The following ARHGEF3 variants were observed in gnomAD, a reference collection of about 807,000 sequenced individuals.
ARHGEF3 encodes Rho guanine nucleotide exchange factor 3.
A neutral mutation model predicts 63.2 loss-of-function variants in ARHGEF3; 28 were observed. That is an observed-to-expected ratio of 0.44 (90% CI 0.33 to 0.61). The LOEUF is 0.61. Among genes scored for constraint, ARHGEF3 ranks in the 20% least tolerant of loss-of-function variants. The pLI is 0.03. For missense variants in ARHGEF3, 533 were observed against 659.3 expected, an observed-to-expected ratio of 0.81 and a Z score of 2.10; for synonymous variants, 266 against 254.2, an observed-to-expected ratio of 1.05 and a Z score of -0.44.
At chr3:56,838,083 A>G (rs1415014690) in intron 4 of ARHGEF3, among the ~76,000 whole-genome samples, 1 of 152,228 alleles carries the variant, frequency 6.6e-6, no homozygotes, top group Non-Finnish European at 1.5e-5. Flanking sequence ...AATAAAAACA[A>G]TGTAAATATC....
chr3:57,050,689 C>G (rs1704634415), intron 1 of ARHGEF3, among the ~76,000 whole-genome samples: 1 of 152,178 alleles, frequency 6.6e-6, no homozygotes, highest in Non-Finnish European at 1.5e-5. Context: ...GATGTAAGCC[C>G]CAGGGCCATG....
chr3:56,948,455 C>T (rs375169552), intron 3 of ARHGEF3, among the ~76,000 whole-genome samples: 12 of 152,182 alleles, frequency 7.9e-5, no homozygotes, highest in East Asian at 1.9e-4. Flanking sequence ...ATATCACCAC[C>T]GATCCCACAG....
chr3:56,931,430 G>C (rs1004284326), intron 3 of ARHGEF3, among the ~76,000 whole-genome samples: 11 of 151,870 alleles, frequency 7.2e-5, no homozygotes, highest in African/African-American at 2.7e-4. Context: ...ACAAAGATTA[G>C]CCAGGCATGG....
At chr3:56,973,055 C>T (rs1179170129) in intron 2 of ARHGEF3, among the ~76,000 whole-genome samples, 10 of 150,046 alleles carry the variant, frequency 6.7e-5, no homozygotes, top group African/African-American at 2.5e-4. Flanking sequence ...CTCGCTCTGT[C>T]GCCCAGGCTG....
At chr3:56,971,629 A>T (rs1029196593) in intron 2 of ARHGEF3, among the ~76,000 whole-genome samples, 23 of 151,510 alleles carry the variant, frequency 1.5e-4, no homozygotes, top group African/African-American at 5.6e-4. Flanking sequence ...AGGTGGGTGG[A>T]TCATGAGGTC....
chr3:56,801,010 G>A (rs1252254355), intron 1 of ARHGEF3, among the ~76,000 whole-genome samples: 7 of 152,222 alleles, frequency 4.6e-5, no homozygotes, highest in African/African-American at 1.4e-4. Context: ...CACATCGCCC[G>A]CAAGGCACAG....
At chr3:56,921,987 T>C (rs978240349) in intron 3 of ARHGEF3, among the ~76,000 whole-genome samples, 3 of 152,128 alleles carry the variant, frequency 2.0e-5, no homozygotes, top group Admixed American at 6.5e-5. Context: ...CTGTCTTTAT[T>C]CTCTCTAAAC....
chr3:56,935,535 C>T (rs982676290), intron 3 of ARHGEF3, among the ~76,000 whole-genome samples: 6 of 152,162 alleles, frequency 3.9e-5, no homozygotes, highest in African/African-American at 9.7e-5. Context: ...TAACACTCAC[C>T]GTGAAGATCT....
chr3:56,737,264 T>A lies in ARHGEF3; in HGVS notation c.962A>T (p.Glu321Val). The A allele has an allele frequency of 6.2e-7, 1 of 1,614,040 alleles. No individual in the cohort carries two copies. Among genetic ancestry groups the A allele is most frequent in the Non-Finnish European group, 8.5e-7 (1 of 1,179,932 alleles). The change falls in exon 8 of 10, where the codon GAA becomes GTA. Residue 321 changes from glutamate (E) to valine (V), a missense_variant. By Grantham distance (121) the Glu-to-Val change is moderately radical. Transcript: ENST00000296315. Reference sequence around the variant, plus strand: ...GATCAGGGAGTCTTTCTGGCCTTCTTCCAAGTAAAGAAGCCGCTCTTTATA... The same window carrying A: ...GATCAGGGAGTCTTTCTGGCCTTCTACCAAGTAAAGAAGCCGCTCTTTATA... Reference protein sequence around the residue: ...RYYKERLLYLEEGQKDSLIDS... With the variant: ...RYYKERLLYLVEGQKDSLIDS...
At chr3:56,833,554 G>A (rs1364111544) in intron 4 of ARHGEF3, among the ~76,000 whole-genome samples, 1 of 151,704 alleles carries the variant, frequency 6.6e-6, no homozygotes, top group Non-Finnish European at 1.5e-5. Flanking sequence ...AAGCTGAACT[G>A]TATCCAGCCT....
At chr3:57,069,902 C>T (rs533207167) in intron 1 of ARHGEF3, among the ~76,000 whole-genome samples, 1 of 152,350 alleles carries the variant, frequency 6.6e-6, no homozygotes, top group South Asian at 2.1e-4. Context: ...ACTTCAACCT[C>T]CCAAAGTGCT....
At chr3:56,881,089 C>T (rs1345124761) in intron 4 of ARHGEF3, among the ~76,000 whole-genome samples, 1 of 152,170 alleles carries the variant, frequency 6.6e-6, no homozygotes, top group Non-Finnish European at 1.5e-5. Flanking sequence ...ACCTAACAAT[C>T]CATATCTAAT....
At chr3:57,014,468 A>G (rs554847039) in intron 2 of ARHGEF3, among the ~76,000 whole-genome samples, 2 of 152,328 alleles carry the variant, frequency 1.3e-5, no homozygotes, top group South Asian at 2.1e-4. Flanking sequence ...AATATGTGGT[A>G]TAATTCTATT....
intron 1 of ARHGEF3, chr3:57,073,777 G>C: frequency 6.2e-7 from 1 of 1,614,224 alleles, no homozygotes; most frequent in Non-Finnish European, 8.5e-7. Context: ...GACTCTTCCA[G>C]ACTCGTTCCA....
At chr3:56,824,000 A>C (rs1008879273) in intron 4 of ARHGEF3, among the ~76,000 whole-genome samples, 11 of 150,970 alleles carry the variant, frequency 7.3e-5, no homozygotes, top group Non-Finnish European at 1.5e-4. Context: ...AAAAAAAAAA[A>C]AAAAACAGAA....
intron 2 of ARHGEF3, among the ~76,000 whole-genome samples, chr3:56,975,424 T>A (rs6802409): frequency 0.042 from 6,392 of 151,630 alleles, 474 homozygotes; most frequent in African/African-American, 0.14. Context: ...TCTCAAAAAA[T>A]AATAATAATA....
At chr3:57,074,484 T>C in intron 1 of ARHGEF3, 1 of 586,674 alleles carries the variant, frequency 1.7e-6, no homozygotes. Context: ...GTTAAGTTAC[T>C]GGCACAAGGT....
intron 7 of ARHGEF3, among the ~76,000 whole-genome samples, chr3:56,740,408 TAGC>T (rs1251294111): frequency 6.6e-6 from 1 of 152,204 alleles, no homozygotes; most frequent in East Asian, 1.9e-4. Flanking sequence ...AAACAATAAA[TAGC>T]AGAACACTTT....
At chr3:56,998,193 A>G (rs1043827771) in intron 2 of ARHGEF3, among the ~76,000 whole-genome samples, 9 of 152,142 alleles carry the variant, frequency 5.9e-5, no homozygotes, top group African/African-American at 1.9e-4. Context: ...CTTTTATTCA[A>G]TCCACACAAA....
Sources: gnomAD v4.1 joint callset for allele counts (sites outside exome capture counted in the v4.1 genomes callset) on GRCh38, gnomAD v4.1.1 for gene constraint, MANE v1.5 for transcripts, NCBI Gene and HGNC (gene_info 2026-07-23, HGNC 2026-07-21) for gene names.